Variants in ARHGAP28 observed in about 807,000 individuals in gnomAD.
ARHGAP28 encodes Rho GTPase activating protein 28, also known as rho GTPase-activating protein 28.
A neutral mutation model predicts 90.7 loss-of-function variants in ARHGAP28; 56 were observed. The ratio of observed to expected loss-of-function variants is 0.62; its 90% CI spans 0.50 to 0.77. ARHGAP28 has a LOEUF of 0.77. Ranked by LOEUF, ARHGAP28 falls within the 30% of genes least tolerant of loss-of-function variation. The pLI is 0.00. For synonymous variants in ARHGAP28, 308 were observed against 323.3 expected, an observed-to-expected ratio of 0.95 and a Z score of 0.51; for missense variants, 869 against 900.9, an observed-to-expected ratio of 0.96 and a Z score of 0.45.
chr18:6,773,138 C>T (rs180945107), intron 1 of ARHGAP28, among the ~76,000 whole-genome samples: 19 of 152,182 alleles, frequency 1.2e-4, no homozygotes, highest in African/African-American at 2.6e-4. Flanking sequence ...TCTGAAATTA[C>T]GCATTTATCC....
At chr18:6,801,712 T>G (rs2056483366) in intron 1 of ARHGAP28, among the ~76,000 whole-genome samples, 1 of 152,168 alleles carries the variant, frequency 6.6e-6, no homozygotes. Context: ...ATCAAGTCAG[T>G]CTAATTGAGA....
At chr18:6,786,343 G>A (rs1216071717) in intron 1 of ARHGAP28, among the ~76,000 whole-genome samples, 1 of 151,914 alleles carries the variant, frequency 6.6e-6, no homozygotes, top group Non-Finnish European at 1.5e-5. Flanking sequence ...AAAAAATTAA[G>A]AGAATTTTCC....
chr18:6,838,091 C>T (rs1343672705), intron 3 of ARHGAP28, among the ~76,000 whole-genome samples: 1 of 152,164 alleles, frequency 6.6e-6, no homozygotes, highest in Non-Finnish European at 1.5e-5. Context: ...ATTCATTGCA[C>T]AATTGCAATG....
At chr18:6,882,605 A>G (rs111401834) in intron 11 of ARHGAP28, among the ~76,000 whole-genome samples, 23 of 152,208 alleles carry the variant, frequency 1.5e-4, no homozygotes, top group African/African-American at 5.6e-4. Context: ...CAGTTACTAC[A>G]TCTGTAAATT....
intron 15 of ARHGAP28, among the ~76,000 whole-genome samples, chr18:6,895,120 A>C (rs1359836600): frequency 6.6e-6 from 1 of 152,176 alleles, no homozygotes. Flanking sequence ...AGGAGGAATA[A>C]GATTATTGCA....
At chr18:6,841,202 TC>T (rs1347778429) in intron 3 of ARHGAP28, among the ~76,000 whole-genome samples, 9,652 of 46,524 alleles carry the variant, frequency 0.21, 1,414 homozygotes, top group East Asian at 0.23. Flanking sequence ...TCTCTCTCTC[TC>T]CTCTCCTCTC....
In ARHGAP28 at chr18:6,908,979, A is replaced by G. The variant is rs2057379374; in HGVS notation, c.2050A>G (p.Ile684Val). 3 of 1,543,680 alleles carry G rather than the reference A, an allele frequency of 1.9e-6. No homozygotes were observed. Among genetic ancestry groups the G allele is most frequent in the Admixed American group, 1.7e-5 (1 of 58,288 alleles). ...TTTCAGTCATGGTTCATCAGAATGT[A>G]TTAAGATTCAGAACCAAAGGTTATA... is the stretch of plus-strand genomic sequence containing the variant. ...YENSHGSSEC[I>V]KIQNQRLYEI... The change falls in exon 17 of 18, where the codon ATT becomes GTT. Residue 684 changes from isoleucine (I) to valine (V), a missense_variant. Coordinates refer to ENST00000383472, the MANE Select transcript of ARHGAP28 (RefSeq NM_001366230.1).
intron 1 of ARHGAP28, among the ~76,000 whole-genome samples, chr18:6,755,182 A>C (rs2056099616): frequency 6.6e-6 from 1 of 152,166 alleles, no homozygotes; most frequent in Non-Finnish European, 1.5e-5. Flanking sequence ...TAAAGCAAAA[A>C]AAGAAAGTAA....
intron 1 of ARHGAP28, among the ~76,000 whole-genome samples, chr18:6,768,983 A>C (rs1292908221): frequency 1.3e-5 from 2 of 152,148 alleles, no homozygotes; most frequent in African/African-American, 4.8e-5. Context: ...TTATGGTGGC[A>C]AGGCTAATCT....
chr18:6,840,408 C>T (rs1567965949), intron 3 of ARHGAP28, among the ~76,000 whole-genome samples: 1 of 152,198 alleles, frequency 6.6e-6, no homozygotes, highest in African/African-American at 2.4e-5. Context: ...CTTCAGATTT[C>T]CTAAGACTTT....
chr18:6,911,296 T>A lies in ARHGAP28; in HGVS notation c.2096-764T>A, dbSNP rs868670704. Among the ~76,000 whole-genome samples the A allele has an allele frequency of 7.9e-5, 12 of 152,316 alleles. 1 individual carries two copies. In the Middle Eastern group the frequency reaches 0.01, roughly 130 times the overall value. On this transcript the variant is annotated intron_variant, in intron 17 of 17. Transcript: ENST00000383472. The stretch of plus-strand genomic sequence containing the variant: ...CCATAGTAAAGAAACAAAATGACCA[T>A]TCCTAAAATGAACTTGACTTGAATC...
At chr18:6,786,865 T>C (rs2056368840) in intron 1 of ARHGAP28, among the ~76,000 whole-genome samples, 1 of 152,154 alleles carries the variant, frequency 6.6e-6, no homozygotes, top group African/African-American at 2.4e-5. Context: ...TTTTTTATTT[T>C]CTAGGCTTTT....
At chr18:6,894,316 T>C (rs117358950) in intron 14 of ARHGAP28, among the ~76,000 whole-genome samples, 1,726 of 152,254 alleles carry the variant, frequency 0.011, 19 homozygotes, top group Non-Finnish European at 0.018. Context: ...AACGGCAGGG[T>C]GTGTGTACAG....
intron 11 of ARHGAP28, among the ~76,000 whole-genome samples, chr18:6,886,624 C>T (rs1457725917): frequency 6.6e-6 from 1 of 152,140 alleles, no homozygotes; most frequent in Non-Finnish European, 1.5e-5. Flanking sequence ...TCATTTAATC[C>T]TCATAACAGC....
In ARHGAP28 at chr18:6,841,167, C is replaced by CCTCT. The variant is rs776937358; in HGVS notation, c.543+3763_543+3766dup. ...CTGTCTCTCTCCTCTTTCTCTCTCT[C>CCTCT]CTCTCTCTCTCTCCTCTCTCTCTCT... On this transcript the variant is annotated intron_variant, in intron 3 of 17. Coordinates refer to ENST00000383472, the MANE Select transcript of ARHGAP28 (RefSeq NM_001366230.1). 2.4e-3 allele frequency among the ~76,000 whole-genome samples: 192 copies of CCTCT among 79,966 alleles called. 3 individuals carry two copies. The highest frequency in any genetic ancestry group is 3.3e-3 in the Non-Finnish European group (125 of 38,114). The allele number at this position is 79,966 out of a possible 152,430, so 52.5% of individuals were successfully genotyped here. A position where few individuals can be genotyped will look rare whatever the true frequency, so the allele number is the denominator to read the frequency against.
chr18:6,729,865 A>G lies in ARHGAP28; in HGVS notation c.44A>G (p.His15Arg). Residue 15 changes from histidine (H) to arginine (R), a missense_variant, in exon 1 of 18, where the codon CAC becomes CGC. His to Arg is a conservative substitution (Grantham distance 29, BLOSUM62 0). Transcript: ENST00000383472. ...DSGGVVLTAY[H>R]SYARAQPPNA... ...GGCGGCGTGGTGCTGACCGCCTACC[A>G]CTCGTACGCGCGCGCCCAGCCCCCC... The G allele has an allele frequency of 7.0e-7, 1 of 1,433,566 alleles. No individual in the cohort carries two copies. 88.8% of individuals were successfully genotyped at this position (1,433,566 alleles called of 1,614,324 possible).
At chr18:6,778,707 G>A (rs896892932) in intron 1 of ARHGAP28, among the ~76,000 whole-genome samples, 6 of 152,148 alleles carry the variant, frequency 3.9e-5, no homozygotes, top group Non-Finnish European at 7.4e-5. Context: ...GGAGTGCTAC[G>A]TGTGACTAAC....
intron 2 of ARHGAP28, among the ~76,000 whole-genome samples, chr18:6,832,173 A>G (rs112790212): frequency 5.8e-4 from 88 of 151,946 alleles, no homozygotes; most frequent in African/African-American, 1.4e-3. Flanking sequence ...TCAGTTTTAA[A>G]TGTTTTCTCA....
chr18:6,798,550 G>A (rs1252475728), intron 1 of ARHGAP28, among the ~76,000 whole-genome samples: 1 of 152,142 alleles, frequency 6.6e-6, no homozygotes. Context: ...TCAATATACA[G>A]CATTCACTTT....
Sources: gnomAD v4.1 joint callset for allele counts (sites outside exome capture counted in the v4.1 genomes callset) on GRCh38, gnomAD v4.1.1 for gene constraint, MANE v1.5 for transcripts, NCBI Gene and HGNC (gene_info 2026-07-23, HGNC 2026-07-21) for gene names.